The following ADGRA1 variants were observed in gnomAD, a reference collection of about 807,000 sequenced individuals.
The protein encoded by ADGRA1 is G-protein coupled receptor 123.
In ADGRA1, 12 loss-of-function variants were observed where a neutral mutation model predicts 21.3. The observed-to-expected ratio is 0.56, with a 90% CI of 0.36 to 0.91. The LOEUF is 0.91. ADGRA1 is among the 40% of genes least tolerant of loss of function. The probability of loss-of-function intolerance (pLI) is 0.01; values close to 1 mark genes in which losing one functional copy is unlikely to be tolerated. For synonymous variants in ADGRA1, 385 were observed against 368.8 expected (o/e 1.04, Z -0.50); for missense variants, 790 against 805.6 (o/e 0.98, Z 0.23).
intron 5 of ADGRA1, among the ~76,000 whole-genome samples, chr10:133,112,399 G>A (rs142906051): frequency 0.14 from 15,589 of 112,570 alleles, 1,626 homozygotes; most frequent in East Asian, 0.46. Flanking sequence ...TCTACGGGCC[G>A]CGTCCGTTAT....
Position 133,129,563 on chromosome 10 carries a change from G to A in ADGRA1, c.*52G>A. 1 of 1,467,232 alleles carries A rather than the reference G, an allele frequency of 6.8e-7. No individual in the cohort carries two copies. The highest frequency in any genetic ancestry group is 9.1e-7 in the Non-Finnish European group (1 of 1,096,458). The allele number at this position is 1,467,232 out of a possible 1,614,324, so 90.9% of individuals were successfully genotyped here. A position where few individuals can be genotyped will look rare whatever the true frequency, so the allele number is the denominator to read the frequency against. ...GGAGGAGCTTCAGAGCAGAGTGGGG[G>A]GCCCATCTGCCACATGAGGTCACTG... On this transcript the variant is annotated 3_prime_UTR_variant, in exon 7 of 7. Transcript: ENST00000392607.
At chr10:133,091,206 C>G (rs1851590963) in intron 2 of ADGRA1, among the ~76,000 whole-genome samples, 1 of 152,230 alleles carries the variant, frequency 6.6e-6, no homozygotes, top group Non-Finnish European at 1.5e-5. Context: ...GGCTGAAAAG[C>G]CACAGATCCT....
At chr10:133,102,542 G>T (rs771771114) in intron 4 of ADGRA1, among the ~76,000 whole-genome samples, 155 bp from the exon 5 acceptor site, 1 of 152,212 alleles carries the variant, frequency 6.6e-6, no homozygotes, top group East Asian at 1.9e-4. Flanking sequence ...TGTGAGTTCT[G>T]GGCGGCTGTG....
At position 133,111,709 on chromosome 10, in the gene ADGRA1, C is replaced by A. The variant is rs113940881; in HGVS notation, c.401+8867C>A. Among the ~76,000 whole-genome samples, 40 of 15,126 alleles carry A rather than the reference C, an allele frequency of 2.6e-3. 2 individuals carry two copies. The highest frequency in any genetic ancestry group is 0.021 in the South Asian group (8 of 380). The allele number at this position is 15,126 out of a possible 152,430, so 9.9% of individuals were successfully genotyped here. On this transcript the variant is annotated intron_variant, in intron 5 of 6. Transcript: ENST00000392607. ...ACCATCCCTCCTAATCCCACCAGAC[C>A]ACCTGCCCGCCACGGGCACCTCCCT...
chr10:133,094,829 CCT>C (rs1484365440), intron 2 of ADGRA1, among the ~76,000 whole-genome samples: 2 of 152,126 alleles, frequency 1.3e-5, no homozygotes, highest in African/African-American at 4.8e-5. Context: ...TCGCTCACGC[CCT>C]GTTAAAACTT....
intron 2 of ADGRA1, among the ~76,000 whole-genome samples, chr10:133,094,266 G>A (rs1332039283): frequency 1.3e-5 from 2 of 152,238 alleles, no homozygotes; most frequent in African/African-American, 4.8e-5. Flanking sequence ...TGCATGAAAA[G>A]CAGCTCTGAT....
intron 2 of ADGRA1, chr10:133,095,772 C>A (rs1257402465): frequency 6.3e-7 from 1 of 1,598,602 alleles, no homozygotes. Context: ...TGCCTGCATC[C>A]CGACACAGGT....
intron 5 of ADGRA1, among the ~76,000 whole-genome samples, chr10:133,118,343 A>G (rs1269109443): frequency 1.3e-5 from 2 of 152,206 alleles, no homozygotes. Flanking sequence ...GAGTATAAAT[A>G]CAACTTTTAT....
intron 5 of ADGRA1, among the ~76,000 whole-genome samples, chr10:133,116,879 G>T (rs1427991921): frequency 6.6e-6 from 1 of 152,200 alleles, no homozygotes; most frequent in African/African-American, 2.4e-5. Flanking sequence ...AATGAGGAAC[G>T]CCAGGATAGT....
In ADGRA1 at chr10:133,128,598, G is replaced by A. The variant is rs546331806; in HGVS notation, c.770G>A (p.Arg257His). Reference protein sequence around the residue: ...QNEHSFQAQLRAAAFTLFLFT... With the variant: ...QNEHSFQAQLHAAAFTLFLFT... ...GAGCACTCATTCCAGGCACAGCTGCGCGCCGCCGCCTTCACGCTGTTCCTG... is the reference window on the plus strand; with the variant it reads ...GAGCACTCATTCCAGGCACAGCTGCACGCCGCCGCCTTCACGCTGTTCCTG... The change falls in exon 7 of 7, where the codon CGC (arginine) becomes CAC (histidine). Residue 257 changes from arginine (R) to histidine (H), a missense_variant. Around this residue, in one of 3 missense-constraint regions of ADGRA1, gnomAD observed 382 missense variants for 415.6 expected, o/e 0.92. Transcript: ENST00000392607. 25 of 1,596,072 alleles carry A rather than the reference G, an allele frequency of 1.6e-5. No homozygotes were observed. The highest frequency in any genetic ancestry group is 1.2e-4 in the Admixed American group (7 of 58,428).
Position 133,128,644 on chromosome 10 carries a change from C to T in ADGRA1, c.816C>T (p.Phe272=), listed in dbSNP as rs767993341. The change falls in exon 7 of 7, where the codon TTC becomes TTT. Residue 272 remains phenylalanine, a synonymous_variant. Coordinates refer to ENST00000392607, the MANE Select transcript of ADGRA1 (RefSeq NM_001083909.3). ...TCCTGTTCACGGCCACGTGGGCCTT[C>T]GGGGCGCTGGCGGTGTCACAGGGCC... ...TLFLFTATWA[F]GALAVSQGHF... 6 of 1,607,914 alleles carry T rather than the reference C, an allele frequency of 3.7e-6. No homozygotes were observed. The highest frequency in any genetic ancestry group is 3.4e-6 in the Non-Finnish European group (4 of 1,178,498).
chr10:133,099,356 C>A (rs1851751043), intron 4 of ADGRA1, among the ~76,000 whole-genome samples: 1 of 152,194 alleles, frequency 6.6e-6, no homozygotes, highest in Non-Finnish European at 1.5e-5. Flanking sequence ...AGGGAGGAAC[C>A]TGCAGATGCT....
intron 2 of ADGRA1, among the ~76,000 whole-genome samples, chr10:133,091,585 G>A (rs918498793): frequency 2.0e-5 from 3 of 152,220 alleles, no homozygotes; most frequent in African/African-American, 7.2e-5. Context: ...TGAGTAGGGT[G>A]GAGGCTCTCA....
intron 4 of ADGRA1, chr10:133,102,223 T>C: frequency 2.2e-6 from 1 of 460,882 alleles, no homozygotes; most frequent in Non-Finnish European, 4.4e-6. Flanking sequence ...AACGGCGACC[T>C]GCAGGGCCAC....
At chr10:133,113,552 G>A (rs1366163032) in intron 5 of ADGRA1, among the ~76,000 whole-genome samples, 2 of 152,222 alleles carry the variant, frequency 1.3e-5, no homozygotes, top group Admixed American at 1.3e-4. Flanking sequence ...GGACCCCACT[G>A]GGCTGGGGCC....
intron 5 of ADGRA1, among the ~76,000 whole-genome samples, chr10:133,119,260 C>T (rs1852211487): frequency 9.0e-5 from 1 of 11,120 alleles, no homozygotes; most frequent in East Asian, 4.9e-3. Context: ...TCCTTTATTG[C>T]CAAAAAAAAA....
intron 5 of ADGRA1, among the ~76,000 whole-genome samples, chr10:133,116,057 T>C (rs890364075): frequency 1.5e-5 from 2 of 131,614 alleles, no homozygotes; most frequent in African/African-American, 2.8e-5. Flanking sequence ...CCACCTTCCA[T>C]CGGCTTCAGG....
intron 4 of ADGRA1, among the ~76,000 whole-genome samples, chr10:133,099,910 G>C (rs1338310360): frequency 6.6e-6 from 1 of 152,214 alleles, no homozygotes; most frequent in African/African-American, 2.4e-5. Flanking sequence ...AGACAGCAGT[G>C]GTGGAGACTC....
At chr10:133,104,007 A>G (rs1305322860) in intron 5 of ADGRA1, among the ~76,000 whole-genome samples, 1 of 152,158 alleles carries the variant, frequency 6.6e-6, no homozygotes, top group Non-Finnish European at 1.5e-5. Flanking sequence ...GAGGACATTC[A>G]TCCGGTTGCA....
Sources: allele counts gnomAD v4.1 joint callset (sites outside exome capture counted in the v4.1 genomes callset), GRCh38; gene constraint gnomAD v4.1.1; regional missense constraint gnomAD v4.1.1; transcripts MANE v1.5; gene names NCBI Gene and HGNC (gene_info 2026-07-23, HGNC 2026-07-21).